Variants in FBXL13 observed in about 807,000 individuals in gnomAD.
FBXL13 encodes F-box and leucine rich repeat protein 13.
A neutral mutation model predicts 83.6 loss-of-function variants in FBXL13; 67 were observed. That is an observed-to-expected ratio of 0.80 (90% CI 0.66 to 0.98). The LOEUF (loss-of-function observed/expected upper bound fraction) is 0.98. Ranked by LOEUF, FBXL13 falls within the 50% of genes least tolerant of loss-of-function variation. FBXL13 has a pLI of 0.00. For synonymous variants in FBXL13, 272 were observed against 299.5 expected (o/e 0.91, Z 0.95); for missense variants, 822 against 866.5 (o/e 0.95, Z 0.64).
chr7:102,951,422 C>T (rs961464773), intron 8 of FBXL13, among the ~76,000 whole-genome samples: 3 of 66,448 alleles, frequency 4.5e-5, no homozygotes, highest in South Asian at 5.0e-4. Context: ...TAAAAAAAAA[C>T]GAAAAGAAAG....
intron 16 of FBXL13, among the ~76,000 whole-genome samples, chr7:102,865,602 C>T (rs1470956722): frequency 1.3e-5 from 2 of 152,030 alleles, no homozygotes; most frequent in East Asian, 1.9e-4. Flanking sequence ...AGTGCAATGG[C>T]GTGATCTCAG....
chr7:102,929,873 A>C (rs1215724807), intron 9 of FBXL13, among the ~76,000 whole-genome samples: 1 of 152,020 alleles, frequency 6.6e-6, no homozygotes, highest in African/African-American at 2.4e-5. Flanking sequence ...TGTACACTTT[A>C]AGTGGGTAAA....
chr7:102,818,596 A>G (rs112560394), intron 19 of FBXL13, among the ~76,000 whole-genome samples: 2 of 152,168 alleles, frequency 1.3e-5, no homozygotes, highest in African/African-American at 4.8e-5. Flanking sequence ...CAGATCTCCT[A>G]GAATGCCTGA....
intron 16 of FBXL13, among the ~76,000 whole-genome samples, chr7:102,860,990 TAC>T (rs1210321420): frequency 6.9e-6 from 1 of 144,656 alleles, no homozygotes; most frequent in Non-Finnish European, 1.5e-5. Flanking sequence ...TATATATATA[TAC>T]ACACACATAT....
chr7:103,056,833 T>A (rs935733314), intron 1 of FBXL13, among the ~76,000 whole-genome samples: 1 of 151,910 alleles, frequency 6.6e-6, no homozygotes, highest in Non-Finnish European at 1.5e-5. Context: ...TTTTTTTTTT[T>A]ATTTTTTGAT....
At chr7:102,966,098 C>T (rs1418790632) in intron 7 of FBXL13, among the ~76,000 whole-genome samples, 2 of 152,346 alleles carry the variant, frequency 1.3e-5, no homozygotes, top group East Asian at 3.9e-4. Context: ...GGTTGCACTA[C>T]TCTCACTCTG....
At position 102,827,772 on chromosome 7, in the gene FBXL13, C is replaced by T. The variant is rs916199185; in HGVS notation, c.1854+5068G>A. Among the ~76,000 whole-genome samples, 4 of 152,022 alleles carry T rather than the reference C, an allele frequency of 2.6e-5. No homozygotes were observed. In the South Asian group the frequency reaches 6.2e-4, roughly 24 times the overall value. The stretch of plus-strand genomic sequence containing the variant: ...ATTCCCACCTATGAGTGAGAACATG[C>T]AGTGTTTGGTTTTTTGTCCTTGCGA... On this transcript the variant is annotated intron_variant, in intron 18 of 19. Coordinates refer to ENST00000313221, the Ensembl canonical transcript of FBXL13.
intron 2 of FBXL13, among the ~76,000 whole-genome samples, chr7:103,043,480 T>C (rs1035452930): frequency 2.0e-5 from 3 of 152,202 alleles, no homozygotes; most frequent in Non-Finnish European, 4.4e-5. Context: ...ACTGGGTATA[T>C]ACCCAAAGGA....
At chr7:103,036,727 C>A (rs980431920) in intron 2 of FBXL13, among the ~76,000 whole-genome samples, 1 of 152,048 alleles carries the variant, frequency 6.6e-6, no homozygotes, top group South Asian at 2.1e-4. Flanking sequence ...GCCCAGGCTG[C>A]TCTTGAACTC....
intron 10 of FBXL13, among the ~76,000 whole-genome samples, chr7:102,918,229 A>G (rs1311814279): frequency 1.3e-5 from 2 of 152,218 alleles, no homozygotes; most frequent in African/African-American, 4.8e-5. Flanking sequence ...ATCATAGATA[A>G]CTTAGTATAC....
intron 2 of FBXL13, among the ~76,000 whole-genome samples, chr7:103,039,228 G>T (rs1795402193): frequency 1.3e-5 from 2 of 152,148 alleles, no homozygotes; most frequent in Admixed American, 1.3e-4. Context: ...ATCAGTGATT[G>T]AAGATCAAAT....
intron 2 of FBXL13, among the ~76,000 whole-genome samples, chr7:103,050,897 C>T (rs769680896): frequency 6.6e-6 from 1 of 152,226 alleles, no homozygotes; most frequent in Non-Finnish European, 1.5e-5. Context: ...TAGCAGTTAA[C>T]ATCCCATAGC....
intron 9 of FBXL13, among the ~76,000 whole-genome samples, chr7:102,926,813 T>C (rs1240062245): frequency 2.0e-5 from 3 of 152,256 alleles, no homozygotes; most frequent in African/African-American, 7.2e-5. Context: ...TAACAGTCCA[T>C]ATTTATACAC....
intron 8 of FBXL13, among the ~76,000 whole-genome samples, chr7:102,952,024 A>C (rs542905733): frequency 6.6e-6 from 1 of 152,300 alleles, no homozygotes; most frequent in South Asian, 2.1e-4. Context: ...CCTTAAAAAG[A>C]AATGCTGACA....
At chr7:103,035,079 T>C (rs961604673) in intron 2 of FBXL13, among the ~76,000 whole-genome samples, 5 of 152,176 alleles carry the variant, frequency 3.3e-5, no homozygotes, top group Non-Finnish European at 7.4e-5. Flanking sequence ...AAATACGGCA[T>C]CTTGTGAAAA....
At chr7:102,870,008 T>C (rs375466369) in intron 16 of FBXL13, among the ~76,000 whole-genome samples, 21 of 152,346 alleles carry the variant, frequency 1.4e-4, no homozygotes, top group East Asian at 1.2e-3. Context: ...TTCTTTCTAT[T>C]CTAGTATAGT....
intron 6 of FBXL13, among the ~76,000 whole-genome samples, chr7:102,974,931 G>T (rs1295695636): frequency 6.6e-6 from 1 of 151,958 alleles, no homozygotes; most frequent in Non-Finnish European, 1.5e-5. Flanking sequence ...TTCTAGCATT[G>T]TCTGTACTCA....
chr7:102,894,037 A>T (rs1428386442), intron 11 of FBXL13, among the ~76,000 whole-genome samples: 1 of 152,140 alleles, frequency 6.6e-6, no homozygotes, highest in Non-Finnish European at 1.5e-5. Context: ...AAAGAAAGAG[A>T]CAAAGAAATT....
intron 18 of FBXL13, among the ~76,000 whole-genome samples, 169 bp downstream of exon 19, chr7:102,832,671 C>T (rs1408791941): frequency 6.6e-6 from 1 of 152,140 alleles, no homozygotes; most frequent in Admixed American, 6.5e-5. Flanking sequence ...ACTTTGACAC[C>T]AGTGGAATCA....
Sources: gnomAD v4.1 joint callset for allele counts (sites outside exome capture counted in the v4.1 genomes callset) on GRCh38, gnomAD v4.1.1 for gene constraint, MANE v1.5 for transcripts, NCBI Gene and HGNC (gene_info 2026-07-23, HGNC 2026-07-21) for gene names.